KCNJ16: variants seen among roughly 807,000 people sequenced by gnomAD.
KCNJ16 encodes potassium inwardly rectifying channel subfamily J member 16.
In KCNJ16, 15 loss-of-function variants were observed where a neutral mutation model predicts 18.5. That is an observed-to-expected ratio of 0.81 (90% CI 0.54 to 1.25). KCNJ16 has a LOEUF of 1.25. Among genes scored for constraint, KCNJ16 ranks in the 50% most tolerant of loss-of-function variants. The pLI is 0.00. For synonymous variants in KCNJ16, 174 were observed against 186.5 expected (o/e 0.93, Z 0.55); for missense variants, 523 against 525.7 (o/e 0.99, Z 0.05).
intron 2 of KCNJ16, among the ~76,000 whole-genome samples, chr17:70,124,747 G>C (rs936796042): frequency 2.0e-5 from 3 of 152,200 alleles, no homozygotes; most frequent in African/African-American, 7.2e-5. Flanking sequence ...CAAAGAATAA[G>C]CATGATAATC....
Position 70,133,264 on chromosome 17 carries a change from G to C in KCNJ16, c.1177G>C (p.Ala393Pro). 1 of 1,614,042 alleles carries C rather than the reference G, an allele frequency of 6.2e-7. No homozygotes were observed. The change falls in exon 4 of 4, where the codon GCC becomes CCC. Residue 393 changes from alanine (A) to proline (P), a missense_variant. Ala to Pro is a conservative substitution (Grantham distance 27, BLOSUM62 -1). Coordinates refer to ENST00000392671, the MANE Select transcript of KCNJ16 (RefSeq NM_170741.4). ...AAACCCTGAGGAGACCACCACTTCC[G>C]CCACACATGAATATAGGGAAACACC... ...CENPEETTTS[A>P]THEYRETPYQ... is the part of the protein sequence containing the mutation.
In KCNJ16 at chr17:70,132,418, T is replaced by C. The variant is rs982474678; in HGVS notation, c.331T>C (p.Cys111Arg). The C allele has an allele frequency of 6.8e-6, 11 of 1,614,186 alleles. No individual in the cohort carries two copies. Among genetic ancestry groups the C allele is most frequent in the Non-Finnish European group, 9.3e-6 (11 of 1,180,026 alleles). The part of the protein sequence containing the change: ...DLLNDPDITP[C>R]VDNVHSFTGA... ...ATTAAATGATCCAGACATCACACCT[T>C]GTGTTGACAACGTCCATTCTTTCAC... Residue 111 changes from cysteine (C) to arginine (R), a missense_variant, in exon 4 of 4, where the codon TGT becomes CGT. By Grantham distance (180) the Cys-to-Arg change is radical. Transcript: ENST00000392671.
intron 1 of KCNJ16, among the ~76,000 whole-genome samples, chr17:70,090,693 ACGGCTAAC>A (rs1235321587): frequency 6.6e-6 from 1 of 152,002 alleles, no homozygotes; most frequent in East Asian, 1.9e-4. Context: ...CACTCACAAT[ACGGCTAAC>A]CCACTCACAA....
chr17:70,135,536 G>A lies in KCNJ16; in HGVS notation c.*2192G>A, dbSNP rs1830974493. 1 of 166,862 alleles carries A rather than the reference G, an allele frequency of 6.0e-6. No individual in the cohort carries two copies. The highest frequency in any genetic ancestry group is 6.5e-5 in the Admixed American group (1 of 15,268). 10.3% of individuals were successfully genotyped at this position (166,862 alleles called of 1,614,324 possible). On this transcript the variant is annotated 3_prime_UTR_variant, in exon 4 of 4. Transcript: ENST00000392671. ...ATGTAACATATATCTCTAATTATCT[G>A]TGTAATTTTATAACATACTTTGACA...
At chr17:70,111,785 C>A (rs148846863) in intron 2 of KCNJ16, among the ~76,000 whole-genome samples, 2 of 151,878 alleles carry the variant, frequency 1.3e-5, no homozygotes, top group African/African-American at 4.8e-5. Context: ...AAGGGGAAAC[C>A]CCTTTTGCTT....
intron 2 of KCNJ16, among the ~76,000 whole-genome samples, chr17:70,126,227 T>C (rs1390341301): frequency 6.6e-6 from 1 of 152,208 alleles, no homozygotes; most frequent in Non-Finnish European, 1.5e-5. Flanking sequence ...TCTTAAGATA[T>C]CAGGACATCA....
intron 2 of KCNJ16, among the ~76,000 whole-genome samples, chr17:70,114,082 A>G (rs1206649209): frequency 1.3e-5 from 2 of 152,118 alleles, no homozygotes; most frequent in Admixed American, 6.6e-5. Flanking sequence ...TTCTTAATTT[A>G]TCTATATCCA....
intron 2 of KCNJ16, among the ~76,000 whole-genome samples, chr17:70,123,825 G>C (rs1320650903): frequency 6.6e-6 from 1 of 152,166 alleles, no homozygotes; most frequent in Non-Finnish European, 1.5e-5. Context: ...GGTAGCAGAA[G>C]GAGAGATACT....
At chr17:70,096,087 G>T (rs1299693772) in intron 1 of KCNJ16, among the ~76,000 whole-genome samples, 2 of 151,930 alleles carry the variant, frequency 1.3e-5, no homozygotes, top group Non-Finnish European at 2.9e-5. Flanking sequence ...GTTTCGCTGT[G>T]TTAGCCAGGA....
Position 70,130,992 on chromosome 17 carries a change from C to G in KCNJ16, c.-94+17C>G. The G allele has an allele frequency of 6.5e-7, 1 of 1,534,572 alleles. No individual in the cohort carries two copies. Among genetic ancestry groups the G allele is most frequent in the Non-Finnish European group, 8.7e-7 (1 of 1,145,660 alleles). ...CTAAAAATGGTAAGAGCTGCATGTTCTGCCTTGATGTTTTCAAGACTGAAT... is the reference window on the plus strand; with the variant it reads ...CTAAAAATGGTAAGAGCTGCATGTTGTGCCTTGATGTTTTCAAGACTGAAT... On this transcript the variant is annotated intron_variant, in intron 3 of 3. Coordinates refer to ENST00000392671, the MANE Select transcript of KCNJ16 (RefSeq NM_170741.4).
intron 2 of KCNJ16, among the ~76,000 whole-genome samples, chr17:70,118,436 CAAAT>C (rs1012514396): frequency 2.0e-5 from 3 of 151,716 alleles, no homozygotes; most frequent in African/African-American, 7.3e-5. Context: ...AATAAATAAA[CAAAT>C]AAATGCTGAA....
intron 2 of KCNJ16, among the ~76,000 whole-genome samples, chr17:70,106,936 C>T (rs1001253773): frequency 3.9e-5 from 6 of 152,078 alleles, no homozygotes; most frequent in East Asian, 3.9e-4. Flanking sequence ...ATAGGCCACC[C>T]CCTTAATAGG....
At chr17:70,083,030 T>C (rs1031634557) in intron 1 of KCNJ16, among the ~76,000 whole-genome samples, 8 of 151,946 alleles carry the variant, frequency 5.3e-5, no homozygotes, top group African/African-American at 1.7e-4. Flanking sequence ...CAAGGTTTGA[T>C]TAGAGAAGCA....
rs200479019 is a variant in KCNJ16 at position 70,133,288 on chromosome 17, C to T, written c.1201C>T (p.Pro401Ser). Reference sequence around the variant, plus strand: ...CGCCACACATGAATATAGGGAAACACCTTATCAGAAAGCTCTCCTGACTTT... The same window carrying T: ...CGCCACACATGAATATAGGGAAACATCTTATCAGAAAGCTCTCCTGACTTT... ...TSATHEYRET[P>S]YQKALLTLNR... Residue 401 changes from proline to serine, a missense_variant, in exon 4 of 4, where the codon CCT becomes TCT. By Grantham distance (74) the Pro-to-Ser change is moderately conservative. Coordinates refer to ENST00000392671, the MANE Select transcript of KCNJ16 (RefSeq NM_170741.4). 16 of 1,614,058 alleles carry T rather than the reference C, an allele frequency of 9.9e-6. No individual in the cohort carries two copies. The highest frequency in any genetic ancestry group is 1.3e-5 in the Non-Finnish European group (15 of 1,179,936).
intron 1 of KCNJ16, among the ~76,000 whole-genome samples, chr17:70,087,411 T>A (rs2143648024): frequency 6.6e-6 from 1 of 152,046 alleles, no homozygotes; most frequent in Admixed American, 6.5e-5. Context: ...CATAGAAAAA[T>A]CTTAAGGAGG....
At chr17:70,078,012 T>G (rs944113887) in intron 1 of KCNJ16, among the ~76,000 whole-genome samples, 1 of 152,202 alleles carries the variant, frequency 6.6e-6, no homozygotes, top group Admixed American at 6.5e-5. Context: ...TTAGGGCCTA[T>G]GGACCCTAGG....
At chr17:70,128,376 G>C (rs914132669) in intron 2 of KCNJ16, among the ~76,000 whole-genome samples, 2 of 152,198 alleles carry the variant, frequency 1.3e-5, no homozygotes, top group Non-Finnish European at 2.9e-5. Context: ...TACGAGAAAA[G>C]TGGTTATCAG....
chr17:70,128,666 C>G (rs894897020), intron 2 of KCNJ16: 1 of 152,170 alleles, frequency 6.6e-6, no homozygotes, highest in African/African-American at 2.4e-5. Flanking sequence ...TTCCTTCGAA[C>G]TTCATATTCT....
At chr17:70,128,030 G>A (rs2073914871) in intron 2 of KCNJ16, 2 of 152,208 alleles carry the variant, frequency 1.3e-5, no homozygotes. Context: ...CCCTCGGCAT[G>A]AGCTTACCTT....
Sources: allele counts gnomAD v4.1 joint callset (sites outside exome capture counted in the v4.1 genomes callset), GRCh38; gene constraint gnomAD v4.1.1; transcripts MANE v1.5; gene names NCBI Gene and HGNC (gene_info 2026-07-23, HGNC 2026-07-21).